Variants in DISP1 observed in about 807,000 individuals in gnomAD.
DISP1 encodes dispatched RND transporter family member 1.
In DISP1, 30 loss-of-function variants were observed where a neutral mutation model predicts 37.3. The observed-to-expected ratio is 0.80, with a 90% CI of 0.60 to 1.09. The LOEUF (loss-of-function observed/expected upper bound fraction) is 1.09, where lower values mean the gene tolerates loss of function less well. DISP1 is among the 50% of genes least tolerant of loss of function. The pLI is 0.00. For synonymous variants in DISP1, 634 were observed against 690.2 expected, an observed-to-expected ratio of 0.92 and a Z score of 1.28; for missense variants, 1,598 against 1,879.5, an observed-to-expected ratio of 0.85 and a Z score of 2.77.
chr1:222,891,812 G>T (rs1040906240), intron 1 of DISP1, among the ~76,000 whole-genome samples: 1 of 151,996 alleles, frequency 6.6e-6, no homozygotes, highest in African/African-American at 2.4e-5. Flanking sequence ...CAGGATTTGG[G>T]TGTGTGTGTG....
chr1:222,957,521 G>A lies in DISP1; in HGVS notation c.509+14189G>A, dbSNP rs368259671. ...GGAGAATTGCTTGAACCCAGGAGGTGGAGGTTGCAGTGAGCTGAGATTATG... is the reference window on the plus strand; with the variant it reads ...GGAGAATTGCTTGAACCCAGGAGGTAGAGGTTGCAGTGAGCTGAGATTATG... On this transcript the variant is annotated intron_variant, in intron 3 of 8. Transcript: ENST00000675850. Among the ~76,000 whole-genome samples, 4 of 152,236 alleles carry A rather than the reference G, an allele frequency of 2.6e-5. No homozygotes were observed. In the South Asian group the frequency reaches 6.2e-4, roughly 24 times the overall value.
chr1:222,832,312 G>GT (rs1665961558), intron 1 of DISP1, among the ~76,000 whole-genome samples: 1 of 152,086 alleles, frequency 6.6e-6, no homozygotes, highest in Admixed American at 6.5e-5. Context: ...CCTTTTGTAA[G>GT]TTTCTTAACC....
chr1:222,929,197 A>G (rs1052710759), intron 2 of DISP1, among the ~76,000 whole-genome samples: 1 of 152,020 alleles, frequency 6.6e-6, no homozygotes, highest in Non-Finnish European at 1.5e-5. Flanking sequence ...CATGCATTAC[A>G]TGGTAACTAC....
chr1:222,824,633 T>G (rs1373098148), intron 1 of DISP1, among the ~76,000 whole-genome samples: 1 of 152,044 alleles, frequency 6.6e-6, no homozygotes, highest in Non-Finnish European at 1.5e-5. Context: ...TTTTCCAGGA[T>G]GGTACCATAA....
chr1:222,909,311 G>T (rs1279401872), intron 1 of DISP1, among the ~76,000 whole-genome samples: 1 of 152,162 alleles, frequency 6.6e-6, no homozygotes, highest in Non-Finnish European at 1.5e-5. Context: ...CCTTAAAATT[G>T]TAACTGTTTA....
intron 1 of DISP1, among the ~76,000 whole-genome samples, chr1:222,831,558 ATTACTTTT>A (rs1558281904): frequency 2.0e-5 from 3 of 152,140 alleles, no homozygotes; most frequent in African/African-American, 7.2e-5. Context: ...GTTTTTTGTC[ATTACTTTT>A]AATGACAAAA....
intron 3 of DISP1, among the ~76,000 whole-genome samples, chr1:222,957,933 G>T (rs1348932658): frequency 1.3e-5 from 2 of 152,186 alleles, no homozygotes; most frequent in African/African-American, 4.8e-5. Context: ...ATTTGTTCCA[G>T]TTTATAGGAT....
intron 1 of DISP1, among the ~76,000 whole-genome samples, chr1:222,923,761 G>A (rs1672935770): frequency 6.6e-6 from 1 of 152,038 alleles, no homozygotes. Flanking sequence ...ATTTGTTTTA[G>A]GTCTCTGCTT....
At position 222,893,515 on chromosome 1, in the gene DISP1, GTCTGGCTGCTGTGCACAGACAGCTAGGC is replaced by G. The variant is rs1340187048; in HGVS notation, c.-158-34914_-158-34887del. ...GGCTGTGTGGGCGAGTGAGTGTGAG[GTCTGGCTGCTGTGCACAGACAGCTAGGC>G]ACATCAGCTGCTGTGGCAGGGCGGG... On this transcript the variant is annotated intron_variant, in intron 1 of 8. Coordinates refer to ENST00000675850, the MANE Select transcript of DISP1 (RefSeq NM_001377229.1). This position sits in a 1 kb window ranked among gnomAD's most constrained non-coding sequence, Gnocchi z 4.3. Among the ~76,000 whole-genome samples, 1 of 152,228 alleles carries G rather than the reference GTCTGGCTGCTGTGCACAGACAGCTAGGC, an allele frequency of 6.6e-6. No homozygotes were observed. Among genetic ancestry groups the G allele is most frequent in the Non-Finnish European group, 1.5e-5 (1 of 68,030 alleles).
At chr1:222,875,336 T>G (rs1383018321) in intron 1 of DISP1, among the ~76,000 whole-genome samples, 5 of 152,046 alleles carry the variant, frequency 3.3e-5, no homozygotes, top group Non-Finnish European at 7.4e-5. Flanking sequence ...AACAAAAATT[T>G]TTAAATATCC....
rs184446620 is a variant in DISP1, at chr1:222,893,297, A to G, written c.-158-35133A>G. On this transcript the variant is annotated intron_variant, in intron 1 of 8. Transcript: ENST00000675850. The surrounding 1 kb of genome is among the most constrained non-coding windows in gnomAD (Gnocchi z 4.3). ...CTGTATATAATAATTACTGTCACTC[A>G]TTATTGTCATGGGATCCTTGGGATG... Among the ~76,000 whole-genome samples, 451 of 152,320 alleles carry G rather than the reference A, an allele frequency of 3.0e-3. 3 individuals carry two copies. Among genetic ancestry groups the G allele is most frequent in the African/African-American group, 0.01 (436 of 41,576 alleles).
intron 1 of DISP1, among the ~76,000 whole-genome samples, chr1:222,904,178 A>G (rs1572472173): frequency 6.6e-6 from 1 of 152,164 alleles, no homozygotes; most frequent in Admixed American, 6.5e-5. Context: ...ATCTTTTAAA[A>G]CCAGTACCTG....
At chr1:222,924,538 T>G (rs756725093) in intron 1 of DISP1, among the ~76,000 whole-genome samples, 6 of 152,124 alleles carry the variant, frequency 3.9e-5, no homozygotes, top group Admixed American at 6.6e-5. Flanking sequence ...TGGTCTGAAG[T>G]TTTCAGTGGG....
intron 1 of DISP1, among the ~76,000 whole-genome samples, chr1:222,895,994 A>G (rs894408730): frequency 6.6e-6 from 1 of 152,198 alleles, no homozygotes; most frequent in African/African-American, 2.4e-5. Context: ...TCTGCTCTTC[A>G]AAAGATACCA....
chr1:222,918,680 T>C (rs917052770), intron 1 of DISP1, among the ~76,000 whole-genome samples: 3 of 152,232 alleles, frequency 2.0e-5, no homozygotes, highest in Non-Finnish European at 2.9e-5. Context: ...GATGGGTCTC[T>C]CATGGTGATA....
intron 2 of DISP1, among the ~76,000 whole-genome samples, chr1:222,934,708 A>G (rs1283424604): frequency 6.6e-6 from 1 of 152,116 alleles, no homozygotes; most frequent in East Asian, 1.9e-4. Context: ...TTATATACCC[A>G]TCTTTTAATA....
chr1:222,947,239 C>A (rs898923430), intron 3 of DISP1, among the ~76,000 whole-genome samples: 4 of 152,104 alleles, frequency 2.6e-5, no homozygotes, highest in Admixed American at 6.6e-5. Flanking sequence ...CTCTAGATAC[C>A]TCAAATAAGT....
intron 1 of DISP1, among the ~76,000 whole-genome samples, chr1:222,874,400 A>G (rs1669821799): frequency 6.6e-6 from 1 of 151,574 alleles, no homozygotes; most frequent in Middle Eastern, 3.4e-3. Flanking sequence ...TCCCCATCGT[A>G]GATTTGGTCT....
intron 1 of DISP1, among the ~76,000 whole-genome samples, chr1:222,924,732 CTGTT>C (rs10568130): frequency 0.012 from 1,785 of 152,194 alleles, 30 homozygotes; most frequent in African/African-American, 0.041. Context: ...TTGTTCATAA[CTGTT>C]TGACACTTAA....
Sources: gnomAD v4.1 joint callset for allele counts (sites outside exome capture counted in the v4.1 genomes callset) on GRCh38, gnomAD v4.1.1 for gene constraint, Gnocchi (gnomAD v3.1) non-coding constraint, MANE v1.5 for transcripts, NCBI Gene and HGNC (gene_info 2026-07-23, HGNC 2026-07-21) for gene names.